The following AFF3 variants were observed in gnomAD, a reference collection of about 807,000 sequenced individuals.
The protein encoded by AFF3 is AF4/FMR2 family member 3.
AFF3 carries 32 observed loss-of-function variants against 129.7 expected under a neutral mutation model. The ratio of observed to expected loss-of-function variants is 0.25; its 90% CI spans 0.19 to 0.33. The LOEUF is 0.33. Among genes scored for constraint, AFF3 ranks in the 10% least tolerant of loss-of-function variants. The probability of loss-of-function intolerance (pLI) is 1.00; values close to 1 mark genes in which losing one functional copy is unlikely to be tolerated. For synonymous variants in AFF3, 644 were observed against 635.4 expected (o/e 1.01, Z -0.20); for missense variants, 1,373 against 1,592.0 (o/e 0.86, Z 2.34).
intron 8 of AFF3, among the ~76,000 whole-genome samples, chr2:99,805,794 C>T (rs1440680848): frequency 6.8e-6 from 1 of 146,254 alleles, no homozygotes; most frequent in Non-Finnish European, 1.5e-5. Flanking sequence ...GCGCAGGAAA[C>T]ATCTGCCTGC....
At chr2:100,009,206 CAGG>C (rs1479268262) in intron 4 of AFF3, among the ~76,000 whole-genome samples, 1 of 152,090 alleles carries the variant, frequency 6.6e-6, no homozygotes, top group Non-Finnish European at 1.5e-5. Flanking sequence ...GCAACTTTGA[CAGG>C]AGAAGACTGA....
chr2:99,850,013 A>T (rs1006586268), intron 7 of AFF3, among the ~76,000 whole-genome samples: 2 of 152,250 alleles, frequency 1.3e-5, no homozygotes, highest in African/African-American at 4.8e-5. Context: ...TAATGAGATG[A>T]GGCAGTAAAA....
rs187609477 is a variant in AFF3, at chr2:100,046,688, A to C, written c.54-37756T>G. Reference sequence around the variant, plus strand: ...ATTTATTTTAGATAAATTATCTGTTAGTTTTAATTACCATGACTCAGTTTT... The same window carrying C: ...ATTTATTTTAGATAAATTATCTGTTCGTTTTAATTACCATGACTCAGTTTT... On this transcript the variant is annotated intron_variant, in intron 4 of 24. Coordinates refer to ENST00000672756, the MANE Select transcript of AFF3 (RefSeq NM_001386135.1). Among the ~76,000 whole-genome samples the C allele has an allele frequency of 3.9e-5, 6 of 152,332 alleles. No homozygotes were observed. The East Asian group carries it at 1.2e-3, about 29-fold the overall frequency.
At position 100,031,975 on chromosome 2, in the gene AFF3, T is replaced by C. The variant is rs550520215; in HGVS notation, c.54-23043A>G. ...ATCTCACAAACATAATATTGAGTGT[T>C]ACATATTGAAAGTATGTCATATTGA... On this transcript the variant is annotated intron_variant, in intron 4 of 24. Coordinates refer to ENST00000672756, the MANE Select transcript of AFF3 (RefSeq NM_001386135.1). Among the ~76,000 whole-genome samples the C allele has an allele frequency of 5.9e-5, 9 of 152,362 alleles. No homozygotes were observed. In the East Asian group the frequency reaches 1.7e-3, roughly 29 times the overall value.
intron 7 of AFF3, among the ~76,000 whole-genome samples, chr2:99,968,431 C>T (rs143975996): frequency 6.6e-6 from 1 of 152,310 alleles, no homozygotes; most frequent in African/African-American, 2.4e-5. Context: ...CTCTGTCTGT[C>T]ACAATCATGC....
intron 7 of AFF3, among the ~76,000 whole-genome samples, chr2:99,953,614 G>A (rs1676364195): frequency 6.6e-6 from 1 of 152,152 alleles, no homozygotes; most frequent in African/African-American, 2.4e-5. Flanking sequence ...TTTTCATCCT[G>A]TACTGAAGTG....
chr2:99,568,089 A>G (rs1676145523), intron 19 of AFF3, among the ~76,000 whole-genome samples: 1 of 152,196 alleles, frequency 6.6e-6, no homozygotes, highest in African/African-American at 2.4e-5. Flanking sequence ...GAAGAGGGGT[A>G]CTGTTACTGT....
intron 8 of AFF3, among the ~76,000 whole-genome samples, chr2:99,832,269 G>A (rs570563837): frequency 4.7e-4 from 71 of 152,258 alleles, no homozygotes; most frequent in African/African-American, 1.7e-3. Flanking sequence ...TTCTAATGAC[G>A]TGCATCAAAA....
intron 8 of AFF3, among the ~76,000 whole-genome samples, chr2:99,820,305 A>T (rs1374910739): frequency 1.3e-5 from 2 of 152,192 alleles, no homozygotes; most frequent in South Asian, 4.2e-4. Flanking sequence ...CAACTGTAAC[A>T]CCCCTGCAAC....
chr2:100,136,839 A>T (rs1692658475), intron 1 of AFF3, among the ~76,000 whole-genome samples: 1 of 152,058 alleles, frequency 6.6e-6, no homozygotes, highest in African/African-American at 2.4e-5. Context: ...GTTGATATTG[A>T]GTTTTCTATG....
chr2:99,830,741 GACAAAAACAAAA>G (rs773669417), intron 8 of AFF3, among the ~76,000 whole-genome samples: 5 of 151,966 alleles, frequency 3.3e-5, no homozygotes, highest in Non-Finnish European at 7.4e-5. Flanking sequence ...TCTCAAAAAA[GACAAAAACAAAA>G]ACAAAAACAA....
At chr2:99,985,243 T>A (rs912412455) in intron 7 of AFF3, among the ~76,000 whole-genome samples, 4 of 152,256 alleles carry the variant, frequency 2.6e-5, no homozygotes, top group Non-Finnish European at 5.9e-5. Context: ...AGTACAACTA[T>A]ATTTCTGTCA....
chr2:100,016,767 GTGA>G (rs1348747706), intron 4 of AFF3, among the ~76,000 whole-genome samples: 1 of 151,648 alleles, frequency 6.6e-6, no homozygotes, highest in African/African-American at 2.4e-5. Flanking sequence ...GACAGTAGTA[GTGA>G]TGGTGGTGGT....
chr2:99,745,860 T>C lies in AFF3; in HGVS notation c.1003-1720A>G, dbSNP rs147901623. 4.1e-3 allele frequency among the ~76,000 whole-genome samples: 631 copies of C among 152,306 alleles called. 3 individuals carry two copies. Among genetic ancestry groups the C allele is most frequent in the African/African-American group, 0.014 (597 of 41,570 alleles). ...ATTTACATCCTCTTTCTTTGCAAAA[T>C]TCTCATTTAATAGAAAGTAAACCAC... On this transcript the variant is annotated intron_variant, in intron 9 of 24. Coordinates refer to ENST00000672756, the MANE Select transcript of AFF3 (RefSeq NM_001386135.1).
chr2:99,863,041 T>C (rs1286933634), intron 7 of AFF3, among the ~76,000 whole-genome samples: 2 of 152,256 alleles, frequency 1.3e-5, no homozygotes, highest in African/African-American at 4.8e-5. Context: ...GCAAAGGCAA[T>C]GGCAGCACAG....
Position 100,087,923 on chromosome 2 carries a change from A to T in AFF3, c.53+16479T>A, listed in dbSNP as rs552547923. ...AAAGTATTAATAGATTAAAACCCAT[A>T]TGACCATCTCAATACATGTAGAAAA... On this transcript the variant is annotated intron_variant, in intron 4 of 24. Transcript: ENST00000672756. Among the ~76,000 whole-genome samples the T allele has an allele frequency of 7.3e-5, 11 of 149,876 alleles. 1 individual carries two copies. The highest frequency in any genetic ancestry group is 4.0e-4 in the Admixed American group (6 of 14,924).
chr2:99,932,436 G>A (rs936622127), intron 7 of AFF3, among the ~76,000 whole-genome samples: 6 of 152,164 alleles, frequency 3.9e-5, no homozygotes, highest in African/African-American at 1.4e-4. Flanking sequence ...TTTGCACACA[G>A]AGCATCCTCT....
intron 4 of AFF3, among the ~76,000 whole-genome samples, chr2:100,035,473 A>G (rs990639320): frequency 6.6e-6 from 1 of 152,192 alleles, no homozygotes; most frequent in African/African-American, 2.4e-5. Flanking sequence ...GAAGACCATC[A>G]AATTCTTATA....
intron 2 of AFF3, 110 bp from the exon 3 acceptor site, chr2:100,105,693 C>G: frequency 1.5e-6 from 2 of 1,354,806 alleles, no homozygotes; most frequent in Non-Finnish European, 2.0e-6. Flanking sequence ...TGCTGAGAAG[C>G]GCATGTCTCC....
Sources: allele counts gnomAD v4.1 joint callset (sites outside exome capture counted in the v4.1 genomes callset), GRCh38; gene constraint gnomAD v4.1.1; transcripts MANE v1.5; gene names NCBI Gene and HGNC (gene_info 2026-07-23, HGNC 2026-07-21).